The following REPS1 variants were observed in gnomAD, a reference collection of about 807,000 sequenced individuals.
The protein encoded by REPS1 is RALBP1 associated Eps domain containing 1.
REPS1 carries 39 observed loss-of-function variants against 100.9 expected under a neutral mutation model. The observed-to-expected ratio is 0.39, with a 90% CI of 0.30 to 0.50. REPS1 has a LOEUF of 0.50. Ranked by LOEUF, REPS1 falls within the 20% of genes least tolerant of loss-of-function variation. The pLI, the probability that REPS1 is intolerant of heterozygous loss-of-function variation, is 0.86. For synonymous variants in REPS1, 324 were observed against 340.3 expected (o/e 0.95, Z 0.53); for missense variants, 821 against 968.5 (o/e 0.85, Z 2.02).
In REPS1 at chr6:138,921,140, A is replaced by G. The variant is rs763082933; in HGVS notation, c.1339-16T>C. 6.7e-7 allele frequency: 1 copy of G among 1,500,262 alleles called. No homozygotes were observed. The allele number at this position is 1,500,262 out of a possible 1,614,324, so 92.9% of individuals were successfully genotyped here. On this transcript the variant is annotated splice_polypyrimidine_tract_variant and intron_variant, in intron 10 of 19. Coordinates refer to ENST00000450536, the MANE Select transcript of REPS1 (RefSeq NM_001286611.2). ...TAGCAGTATCCTAGAGACAAATGGG[A>G]GGAAATAAAGAATTTGTATTAAAAT... is the stretch of plus-strand genomic sequence containing the variant.
At chr6:138,979,257 T>C (rs1784797758) in intron 1 of REPS1, among the ~76,000 whole-genome samples, 1 of 148,522 alleles carries the variant, frequency 6.7e-6, no homozygotes, top group Non-Finnish European at 1.5e-5. Context: ...GCAGTCAGGA[T>C]CCTGACCACT....
intron 9 of REPS1, chr6:138,928,404 T>C (rs1186734737): frequency 2.0e-5 from 3 of 152,198 alleles, no homozygotes; most frequent in Non-Finnish European, 2.9e-5. Context: ...TAAAATGTAA[T>C]CTAAATTCCA....
intron 1 of REPS1, 69 bp downstream of exon 1, chr6:138,987,459 GCC>G: frequency 7.3e-7 from 1 of 1,376,064 alleles, no homozygotes; most frequent in Non-Finnish European, 9.5e-7. Flanking sequence ...AGGAATCGGC[GCC>G]CACTCCCACT....
rs373676796 is a variant in REPS1 at position 138,953,231 on chromosome 6, A to G, written c.154-5318T>C. Among the ~76,000 whole-genome samples the G allele has an allele frequency of 2.0e-5, 3 of 152,348 alleles. 1 individual carries two copies. On this transcript the variant is annotated intron_variant, in intron 1 of 19. Transcript: ENST00000450536. ...ATACCTAAATATAGCACCCAAAATAATAAAACTACTAGAAGAAAACAGACA... is the reference window on the plus strand; with the variant it reads ...ATACCTAAATATAGCACCCAAAATAGTAAAACTACTAGAAGAAAACAGACA...
In REPS1 at chr6:138,947,811, T is replaced by C; in HGVS notation, c.256A>G (p.Arg86Gly). Residue 86 changes from arginine to glycine, a missense_variant, in exon 2 of 20, where the codon AGA becomes GGA. Around this residue, in one of 3 missense-constraint regions of REPS1, gnomAD observed 757 missense variants for 866.4 expected, o/e 0.87. Transcript: ENST00000450536. ...VAVAQSGFPL[R>G]VESINTVKDL... ...TTACCTGTATTTATACTTTCCACTC[T>C]TAAAGGGAAACCAGACTGGGCAACA... is the stretch of plus-strand genomic sequence containing the variant. 6.2e-7 allele frequency: 1 copy of C among 1,609,338 alleles called. No homozygotes were observed. The highest frequency in any genetic ancestry group is 2.2e-5 in the East Asian group (1 of 44,734).
chr6:138,922,308 T>C (rs934456884), intron 10 of REPS1, among the ~76,000 whole-genome samples: 6 of 152,166 alleles, frequency 3.9e-5, no homozygotes, highest in African/African-American at 1.4e-4. Flanking sequence ...TCTCAAAATT[T>C]AGCATGAAAC....
At chr6:138,916,218 C>CTTTTTTT (rs10582137) in intron 13 of REPS1, 86 of 207,400 alleles carry the variant, frequency 4.1e-4, no homozygotes, top group East Asian at 7.2e-4. Flanking sequence ...TTCTTTTTTT[C>CTTTTTTT]TTTTTTTTTT....
chr6:138,941,009 G>A (rs1183284708), intron 8 of REPS1, among the ~76,000 whole-genome samples: 3 of 152,032 alleles, frequency 2.0e-5, no homozygotes, highest in Non-Finnish European at 2.9e-5. Flanking sequence ...ATGAAGATGG[G>A]TTACTCTATC....
chr6:138,909,665 A>C (rs1017596517), intron 17 of REPS1, among the ~76,000 whole-genome samples: 2 of 152,094 alleles, frequency 1.3e-5, no homozygotes, highest in African/African-American at 4.8e-5. Context: ...GAGTTCTCAC[A>C]AGACCTAATG....
At chr6:138,947,700 A>G in intron 2 of REPS1, 90 bp downstream of exon 2, 1 of 1,171,198 alleles carries the variant, frequency 8.5e-7, no homozygotes, top group South Asian at 2.0e-5. Flanking sequence ...TGCCACTATA[A>G]GATCAGAAAG....
At chr6:138,975,767 G>C (rs918801733) in intron 1 of REPS1, among the ~76,000 whole-genome samples, 1 of 152,154 alleles carries the variant, frequency 6.6e-6, no homozygotes, top group Admixed American at 6.5e-5. Context: ...CTGGGAGGCA[G>C]AGGGTGCAGT....
At chr6:138,973,151 T>C (rs774887063) in intron 1 of REPS1, among the ~76,000 whole-genome samples, 12 of 152,126 alleles carry the variant, frequency 7.9e-5, no homozygotes, top group Non-Finnish European at 1.6e-4. Context: ...AGAATAGAGT[T>C]GGGAGACTAC....
chr6:138,907,231 G>A (rs921625514), intron 19 of REPS1: 1 of 282,408 alleles, frequency 3.5e-6, no homozygotes, highest in South Asian at 6.8e-5. Context: ...AGCTACTCAG[G>A]AGGCTGAAGT....
intron 1 of REPS1, among the ~76,000 whole-genome samples, chr6:138,950,611 G>A (rs1782955236): frequency 6.6e-6 from 1 of 152,154 alleles, no homozygotes; most frequent in Non-Finnish European, 1.5e-5. Flanking sequence ...TTGTATGCTA[G>A]TCCTGGAGCT....
At chr6:138,907,803 T>A (rs551442458) in intron 18 of REPS1, among the ~76,000 whole-genome samples, 1 of 151,864 alleles carries the variant, frequency 6.6e-6, no homozygotes, top group African/African-American at 2.4e-5. Flanking sequence ...AAAAAGAAAT[T>A]ATTAAAAAAA....
chr6:138,911,202 G>T, intron 17 of REPS1, 74 bp downstream of exon 17: 1 of 992,744 alleles, frequency 1.0e-6, no homozygotes, highest in East Asian at 2.5e-5. Context: ...ATTTCTGGCT[G>T]ACCTTATTTC....
chr6:138,924,054 A>G (rs1374148693), intron 10 of REPS1, among the ~76,000 whole-genome samples: 7 of 152,134 alleles, frequency 4.6e-5, no homozygotes. Context: ...GATGGGTAAT[A>G]CTTCAGGTAA....
intron 10 of REPS1, 97 bp from the exon 11 acceptor site, chr6:138,921,221 G>C: frequency 1.3e-6 from 1 of 750,578 alleles, no homozygotes; most frequent in East Asian, 2.7e-5. Context: ...CCAGTGGACA[G>C]GCTTTCCCAT....
intron 1 of REPS1, among the ~76,000 whole-genome samples, chr6:138,985,132 C>T (rs947150500): frequency 1.6e-4 from 24 of 152,088 alleles, no homozygotes; most frequent in Non-Finnish European, 3.5e-4. Context: ...TCTGTTATCC[C>T]GAAAACACTA....
Sources: allele counts gnomAD v4.1 joint callset (sites outside exome capture counted in the v4.1 genomes callset), GRCh38; gene constraint gnomAD v4.1.1; regional missense constraint gnomAD v4.1.1; transcripts MANE v1.5; gene names NCBI Gene and HGNC (gene_info 2026-07-23, HGNC 2026-07-21).